THSD7B: variants seen among roughly 807,000 people sequenced by gnomAD.
THSD7B encodes the protein thrombospondin type-1 domain-containing protein 7B.
In THSD7B, 138 loss-of-function variants were observed where a neutral mutation model predicts 213.6. The ratio of observed to expected loss-of-function variants is 0.65; its 90% CI spans 0.56 to 0.74. THSD7B has a LOEUF of 0.74. Ranked by LOEUF, THSD7B falls within the 30% of genes least tolerant of loss-of-function variation. THSD7B has a pLI of 0.00. For synonymous variants in THSD7B, 742 were observed against 687.0 expected (o/e 1.08, Z -1.25); for missense variants, 1,931 against 1,991.5 (o/e 0.97, Z 0.58).
At chr2:137,516,315 A>G (rs1034141067) in intron 15 of THSD7B, among the ~76,000 whole-genome samples, 2 of 152,254 alleles carry the variant, frequency 1.3e-5, no homozygotes, top group Non-Finnish European at 2.9e-5. Context: ...CTGATCCTCA[A>G]TCAATTTCCA....
intron 15 of THSD7B, among the ~76,000 whole-genome samples, chr2:137,537,763 T>C (rs1325045915): frequency 6.6e-6 from 1 of 151,790 alleles, no homozygotes; most frequent in Non-Finnish European, 1.5e-5. Context: ...TTACATTGCT[T>C]TTAGACTACA....
At chr2:137,373,518 G>T (rs1371618716) in intron 12 of THSD7B, among the ~76,000 whole-genome samples, 2 of 152,106 alleles carry the variant, frequency 1.3e-5, no homozygotes, top group African/African-American at 4.8e-5. Flanking sequence ...GTCTGTTCAT[G>T]TCCTTCGCCC....
chr2:137,234,928 A>G (rs561456272), intron 9 of THSD7B, among the ~76,000 whole-genome samples: 38 of 152,298 alleles, frequency 2.5e-4, no homozygotes, highest in Non-Finnish European at 3.8e-4. Context: ...ACCTAACTCT[A>G]CATTATTAGC....
intron 5 of THSD7B, among the ~76,000 whole-genome samples, chr2:137,129,679 G>A (rs1053211095): frequency 4.6e-5 from 7 of 152,034 alleles, no homozygotes; most frequent in South Asian, 4.1e-4. Flanking sequence ...GGCCTCAAGC[G>A]ATCCTCCTGC....
In THSD7B at chr2:136,877,036, C is replaced by T. The variant is rs144232649; in HGVS notation, c.-35-5108C>T. On this transcript the variant is annotated intron_variant, in intron 1 of 27. Transcript: ENST00000409968. ...GTATGCTCCCTGATGGTGATGTGTGCGTCTGTGAATCTTCACATGTGCAGG... is the reference window on the plus strand; with the variant it reads ...GTATGCTCCCTGATGGTGATGTGTGTGTCTGTGAATCTTCACATGTGCAGG... Among the ~76,000 whole-genome samples the T allele has an allele frequency of 5.3e-5, 8 of 152,268 alleles. No individual in the cohort carries two copies. In the East Asian group the frequency reaches 1.5e-3, roughly 29 times the overall value.
intron 11 of THSD7B, among the ~76,000 whole-genome samples, chr2:137,274,358 T>C (rs917993215): frequency 6.6e-6 from 1 of 152,136 alleles, no homozygotes; most frequent in Admixed American, 6.6e-5. Flanking sequence ...GTTTACCAAA[T>C]TAAAGCAGAA....
chr2:137,358,182 G>T (rs1685175848), intron 12 of THSD7B, among the ~76,000 whole-genome samples: 1 of 152,106 alleles, frequency 6.6e-6, no homozygotes, highest in African/African-American at 2.4e-5. Context: ...AGTCAGTTTT[G>T]TTTGCTTGTT....
At chr2:137,348,983 G>C (rs1684951144) in intron 12 of THSD7B, among the ~76,000 whole-genome samples, 1 of 151,378 alleles carries the variant, frequency 6.6e-6, no homozygotes, top group Non-Finnish European at 1.5e-5. Flanking sequence ...GTATTTTTCT[G>C]GCCATCTAAA....
chr2:137,182,694 C>G (rs1052253597), intron 7 of THSD7B, among the ~76,000 whole-genome samples: 5 of 152,160 alleles, frequency 3.3e-5, no homozygotes, highest in African/African-American at 1.2e-4. Context: ...GAAAATTATA[C>G]TGATGACCGG....
intron 12 of THSD7B, among the ~76,000 whole-genome samples, chr2:137,369,165 A>AT (rs140330711): frequency 1.3e-5 from 2 of 150,310 alleles, no homozygotes; most frequent in African/African-American, 5.0e-5. Context: ...ATATATATAT[A>AT]TATTTTTGAC....
chr2:137,570,983 T>C (rs894723182), intron 16 of THSD7B, among the ~76,000 whole-genome samples: 2 of 152,220 alleles, frequency 1.3e-5, no homozygotes, highest in Admixed American at 1.3e-4. Flanking sequence ...CTATTTGGGA[T>C]GTGATATAAA....
chr2:137,674,000 G>A (rs1405583743), intron 27 of THSD7B, among the ~76,000 whole-genome samples: 3 of 152,204 alleles, frequency 2.0e-5, no homozygotes, highest in African/African-American at 7.2e-5. Context: ...CAGTGTCCGT[G>A]ATTCCAAACA....
At chr2:137,473,256 G>A (rs1573645812) in intron 15 of THSD7B, among the ~76,000 whole-genome samples, 1 of 151,926 alleles carries the variant, frequency 6.6e-6, no homozygotes, top group African/African-American at 2.4e-5. Context: ...GTCTTGCTCT[G>A]TTGCCCAGGC....
chr2:137,032,883 G>C (rs1453983241), intron 2 of THSD7B, among the ~76,000 whole-genome samples: 2 of 152,054 alleles, frequency 1.3e-5, no homozygotes, highest in Non-Finnish European at 2.9e-5. Flanking sequence ...GCCATCCTTG[G>C]GAATGAACCA....
intron 12 of THSD7B, among the ~76,000 whole-genome samples, chr2:137,279,607 C>A (rs373324301): frequency 6.6e-6 from 1 of 151,996 alleles, no homozygotes; most frequent in Non-Finnish European, 1.5e-5. Flanking sequence ...TAAGTAAATG[C>A]GTTGCAAAAT....
At chr2:137,517,835 C>G (rs1439712919) in intron 15 of THSD7B, among the ~76,000 whole-genome samples, 2 of 152,176 alleles carry the variant, frequency 1.3e-5, no homozygotes, top group African/African-American at 2.4e-5. Context: ...GCCCTGCCAT[C>G]TTCTGCAGAT....
chr2:137,557,332 A>C (rs1478120899), intron 15 of THSD7B, among the ~76,000 whole-genome samples: 5 of 152,228 alleles, frequency 3.3e-5, no homozygotes, highest in Non-Finnish European at 7.3e-5. Context: ...CAGAAATTAT[A>C]ACAAACTGTC....
intron 15 of THSD7B, among the ~76,000 whole-genome samples, chr2:137,547,902 G>A (rs1293433088): frequency 6.6e-6 from 1 of 151,950 alleles, no homozygotes; most frequent in African/African-American, 2.4e-5. Context: ...TCTTAAAAAG[G>A]CATTTCTTAC....
chr2:137,188,523 C>A (rs1680596482), intron 7 of THSD7B, among the ~76,000 whole-genome samples: 1 of 152,180 alleles, frequency 6.6e-6, no homozygotes, highest in African/African-American at 2.4e-5. Context: ...TTTTATCTCT[C>A]TTACGGAAAC....
Sources: allele counts gnomAD v4.1 joint callset (sites outside exome capture counted in the v4.1 genomes callset), GRCh38; gene constraint gnomAD v4.1.1; transcripts MANE v1.5; gene names NCBI Gene and HGNC (gene_info 2026-07-23, HGNC 2026-07-21).